The following XXYLT1 variants were observed in gnomAD, a reference collection of about 807,000 sequenced individuals.
The protein encoded by XXYLT1 is UDP-xylose:alpha-xyloside alpha-1,3-xylosyltransferase.
A neutral mutation model predicts 28.9 loss-of-function variants in XXYLT1; 20 were observed. The ratio of observed to expected loss-of-function variants is 0.69; its 90% CI spans 0.49 to 1.00. The LOEUF is 1.00. Ranked by LOEUF, XXYLT1 falls within the 50% of genes least tolerant of loss-of-function variation. The probability of loss-of-function intolerance (pLI) is 0.00; values close to 1 mark genes in which losing one functional copy is unlikely to be tolerated. For missense variants in XXYLT1, 542 were observed against 560.1 expected (o/e 0.97, Z 0.33); for synonymous variants, 257 against 253.8 (o/e 1.01, Z -0.12).
rs887359232 is a variant in XXYLT1 at position 195,256,769 on chromosome 3, G to C, written c.504+13786C>G. On this transcript the variant is annotated intron_variant, in intron 1 of 3. Transcript: ENST00000310380. This position sits in a 1 kb window ranked among gnomAD's most constrained non-coding sequence, Gnocchi z 4.2. ...GGGTCAGAGGAAGACCCAGAACTCAGGATCAATAACATCTGGGCAGGACTC... is the reference window on the plus strand; with the variant it reads ...GGGTCAGAGGAAGACCCAGAACTCACGATCAATAACATCTGGGCAGGACTC... 6.6e-5 allele frequency among the ~76,000 whole-genome samples: 10 copies of C among 152,216 alleles called. No individual in the cohort carries two copies. Among genetic ancestry groups the C allele is most frequent in the African/African-American group, 1.9e-4 (8 of 41,450 alleles).
At chr3:195,154,520 C>T (rs139187801) in intron 3 of XXYLT1, among the ~76,000 whole-genome samples, 9 of 152,270 alleles carry the variant, frequency 5.9e-5, no homozygotes, top group Non-Finnish European at 1.3e-4. Flanking sequence ...GGGTCTCTCT[C>T]GCAACAGAAA....
intron 3 of XXYLT1, among the ~76,000 whole-genome samples, chr3:195,136,970 C>T (rs374357207): frequency 9.2e-5 from 14 of 152,160 alleles, no homozygotes; most frequent in African/African-American, 3.1e-4. Flanking sequence ...GAGAAATGAG[C>T]ACAGGATTGA....
rs1718000328 is a variant in XXYLT1, at chr3:195,115,579, C to CGCGTGAAGGCCTCAAA, written c.785+40869_785+40870insTTTGAGGCCTTCACGC. 6.6e-6 allele frequency among the ~76,000 whole-genome samples: 1 copy of CGCGTGAAGGCCTCAAA among 152,196 alleles called. No individual in the cohort carries two copies. The highest frequency in any genetic ancestry group is 1.5e-5 in the Non-Finnish European group (1 of 68,044). The stretch of plus-strand genomic sequence containing the variant: ...TAAACCCTGCCTGGCAAACCGAGCA[C>CGCGTGAAGGCCTCAAA]GCGTGAAGGCCTCAGGAGCCACAGT... On this transcript the variant is annotated intron_variant, in intron 3 of 3. Coordinates refer to ENST00000310380, the MANE Select transcript of XXYLT1 (RefSeq NM_152531.5). This position sits in a 1 kb window ranked among gnomAD's most constrained non-coding sequence, Gnocchi z 4.2.
rs1720591777 is a variant in XXYLT1 at position 195,156,401 on chromosome 3, AGGGT to A, written c.785+44_785+47del. ...ACGGCTGGCAGAAGAGAGAGGGTGA[AGGGT>A]GGGGAGGGGTCGTGGAGGCGGCCCC... On this transcript the variant is annotated intron_variant, in intron 3 of 3. Transcript: ENST00000310380. 3 of 1,596,496 alleles carry A rather than the reference AGGGT, an allele frequency of 1.9e-6. No individual in the cohort carries two copies. The African/African-American group carries it at 4.0e-5, about 21-fold the overall frequency.
chr3:195,147,034 T>G (rs1214438757), intron 3 of XXYLT1: 3 of 153,672 alleles, frequency 2.0e-5, no homozygotes, highest in African/African-American at 7.2e-5. Flanking sequence ...GAGGGAGAGG[T>G]GAGCCACTCA....
intron 3 of XXYLT1, among the ~76,000 whole-genome samples, chr3:195,088,084 G>C (rs531739781): frequency 6.8e-4 from 103 of 152,116 alleles, no homozygotes; most frequent in East Asian, 4.7e-3. Context: ...AGATCAAACT[G>C]CAAGGTGGCA....
At chr3:195,149,132 T>G (rs1720039399) in intron 3 of XXYLT1, among the ~76,000 whole-genome samples, 1 of 152,112 alleles carries the variant, frequency 6.6e-6, no homozygotes, top group South Asian at 2.1e-4. Flanking sequence ...AAGGCTGACT[T>G]AGGTATAAGG....
chr3:195,180,234 G>T lies in XXYLT1; in HGVS notation c.653-23653C>A. On this transcript the variant is annotated intron_variant, in intron 2 of 3. Transcript: ENST00000310380. The surrounding 1 kb of genome is among the most constrained non-coding windows in gnomAD (Gnocchi z 5.8). The stretch of plus-strand genomic sequence containing the variant: ...TTTCTAACGCCAGATCCCCGTCTCT[G>T]CACTGACACCGGGGGTGGTGAGTGG... 1 of 830,388 alleles carries T rather than the reference G, an allele frequency of 1.2e-6. No homozygotes were observed. The highest frequency in any genetic ancestry group is 1.5e-6 in the Non-Finnish European group (1 of 688,684). The allele number at this position is 830,388 out of a possible 1,614,324, so 51.4% of individuals were successfully genotyped here.
chr3:195,102,511 A>G (rs1186912105), intron 3 of XXYLT1, among the ~76,000 whole-genome samples: 2 of 152,060 alleles, frequency 1.3e-5, no homozygotes, highest in Non-Finnish European at 2.9e-5. Flanking sequence ...CCTCTTTTTA[A>G]AAAGATTCTA....
chr3:195,185,724 G>A (rs561861148), intron 2 of XXYLT1, among the ~76,000 whole-genome samples: 3 of 143,106 alleles, frequency 2.1e-5, no homozygotes, highest in Admixed American at 6.7e-5. Context: ...CAATGGGGAC[G>A]GCATCTTCAC....
chr3:195,228,267 G>C (rs897877505), intron 1 of XXYLT1, among the ~76,000 whole-genome samples: 1 of 146,246 alleles, frequency 6.8e-6, no homozygotes, highest in Non-Finnish European at 1.5e-5. Context: ...TGTTTACACT[G>C]TCACTTGCCC....
intron 3 of XXYLT1, among the ~76,000 whole-genome samples, chr3:195,097,255 A>G (rs1716499178): frequency 6.6e-6 from 1 of 152,256 alleles, no homozygotes; most frequent in African/African-American, 2.4e-5. Context: ...ACACAGACAG[A>G]CAGACAGAGA....
chr3:195,214,104 C>G (rs1302426509), intron 2 of XXYLT1, among the ~76,000 whole-genome samples: 1 of 152,206 alleles, frequency 6.6e-6, no homozygotes, highest in African/African-American at 2.4e-5. Context: ...AGACCTTAGA[C>G]TCCTCCAGCC....
Position 195,176,467 on chromosome 3 carries a change from A to T in XXYLT1, c.653-19886T>A, listed in dbSNP as rs1721669829. Among the ~76,000 whole-genome samples the T allele has an allele frequency of 1.3e-5, 2 of 152,230 alleles. No individual in the cohort carries two copies. Among genetic ancestry groups the T allele is most frequent in the African/African-American group, 4.8e-5 (2 of 41,456 alleles). On this transcript the variant is annotated intron_variant, in intron 2 of 3. Coordinates refer to ENST00000310380, the MANE Select transcript of XXYLT1 (RefSeq NM_152531.5). This position sits in a 1 kb window ranked among gnomAD's most constrained non-coding sequence, Gnocchi z 4.9. The stretch of plus-strand genomic sequence containing the variant: ...CTGAAAAGAACTGGTATGAAATGAG[A>T]TGAGAAGCAGATCTTGAATATTCTG...
intron 3 of XXYLT1, among the ~76,000 whole-genome samples, chr3:195,140,565 C>T (rs1217180710): frequency 6.6e-6 from 1 of 152,102 alleles, no homozygotes; most frequent in Non-Finnish European, 1.5e-5. Context: ...GGCCAGGAGG[C>T]CTCAGAAAAC....
At chr3:195,187,217 C>T (rs13064053) in intron 2 of XXYLT1, among the ~76,000 whole-genome samples, 5,036 of 148,738 alleles carry the variant, frequency 0.034, 153 homozygotes, top group East Asian at 0.1. Flanking sequence ...CAGCCTGGGC[C>T]GCAGAGCAAG....
At chr3:195,109,649 GTA>G (rs1408730620) in intron 3 of XXYLT1, among the ~76,000 whole-genome samples, 1 of 146,134 alleles carries the variant, frequency 6.8e-6, no homozygotes, top group African/African-American at 2.5e-5. Context: ...TGTGTGTGGT[GTA>G]TGTGTGCGTG....
Position 195,139,271 on chromosome 3 carries a change from AC to A in XXYLT1, c.785+17177del, listed in dbSNP as rs201720621. Among the ~76,000 whole-genome samples the A allele has an allele frequency of 2.7e-3, 409 of 152,312 alleles. 5 individuals are homozygous for A. The highest frequency in any genetic ancestry group is 7.6e-3 in the African/African-American group (316 of 41,578). On this transcript the variant is annotated intron_variant, in intron 3 of 3. Coordinates refer to ENST00000310380, the MANE Select transcript of XXYLT1 (RefSeq NM_152531.5). ...GCTGCAGAGCTTGGAGCTGCTAGTGACCCAGGAGACTACGTCTGATGTGAAA... is the reference window on the plus strand; with the variant it reads ...GCTGCAGAGCTTGGAGCTGCTAGTGACCAGGAGACTACGTCTGATGTGAAA...
chr3:195,128,341 C>G (rs1718740393), intron 3 of XXYLT1, among the ~76,000 whole-genome samples: 1 of 152,184 alleles, frequency 6.6e-6, no homozygotes. Context: ...CGCATTCATC[C>G]TCCTTTCCAG....
Sources: gnomAD v4.1 joint callset for allele counts (sites outside exome capture counted in the v4.1 genomes callset) on GRCh38, gnomAD v4.1.1 for gene constraint, Gnocchi (gnomAD v3.1) non-coding constraint, MANE v1.5 for transcripts, NCBI Gene and HGNC (gene_info 2026-07-23, HGNC 2026-07-21) for gene names.